ANK2: variants seen among roughly 807,000 people sequenced by gnomAD.
The protein encoded by ANK2 is ankyrin 2.
Under a neutral mutation model 360.5 loss-of-function variants are expected in ANK2, and 83 were observed. The ratio of observed to expected loss-of-function variants is 0.23; its 90% CI spans 0.19 to 0.28. ANK2 has a LOEUF of 0.28. Ranked by LOEUF, ANK2 falls within the 10% of genes least tolerant of loss-of-function variation. The pLI is 1.00. For missense variants in ANK2, 4,201 were observed against 4,795.7 expected, an observed-to-expected ratio of 0.88 and a Z score of 3.66; for synonymous variants, 1,740 against 1,759.5, an observed-to-expected ratio of 0.99 and a Z score of 0.28.
chr4:112,893,765 C>T (rs112074548), intron 1 of ANK2, among the ~76,000 whole-genome samples: 4,189 of 152,182 alleles, frequency 0.028, 187 homozygotes, highest in African/African-American at 0.092. Context: ...GGAGCTGAGG[C>T]GGGCAGATCA....
At chr4:113,164,025 C>T (rs2097662230) in intron 1 of ANK2, among the ~76,000 whole-genome samples, 1 of 152,270 alleles carries the variant, frequency 6.6e-6, no homozygotes, top group Admixed American at 6.5e-5. Flanking sequence ...CAGGCAATCA[C>T]TTACCAGTTT....
At chr4:113,207,096 A>C (rs995190338) in intron 4 of ANK2, among the ~76,000 whole-genome samples, 3 of 149,894 alleles carry the variant, frequency 2.0e-5, no homozygotes, top group Non-Finnish European at 4.4e-5. Flanking sequence ...TTACTACTCT[A>C]CAAAGCGTGC....
chr4:112,870,696 G>A (rs1163523105), intron 1 of ANK2, among the ~76,000 whole-genome samples: 4 of 152,196 alleles, frequency 2.6e-5, no homozygotes, highest in Non-Finnish European at 4.4e-5. Context: ...CTGTCCTGTA[G>A]TAAGTTTGAA....
intron 2 of ANK2, among the ~76,000 whole-genome samples, chr4:112,992,788 G>A (rs2154279602): frequency 6.6e-6 from 1 of 152,246 alleles, no homozygotes; most frequent in Middle Eastern, 3.4e-3. Context: ...ATCACATTGT[G>A]CATTAGGGGT....
At chr4:113,338,632 C>T (rs2093871840) in intron 31 of ANK2, among the ~76,000 whole-genome samples, 1 of 143,432 alleles carries the variant, frequency 7.0e-6, no homozygotes, top group Admixed American at 7.2e-5. Context: ...TCACTGCAAG[C>T]TCCACCTCCT....
chr4:113,257,929 G>A (rs1486679434), intron 11 of ANK2, 121 bp from the exon 12 acceptor site: 1 of 989,014 alleles, frequency 1.0e-6, no homozygotes, highest in African/African-American at 1.6e-5. Context: ...ACACCTGCAG[G>A]GATTGAAGAA....
intron 2 of ANK2, among the ~76,000 whole-genome samples, chr4:113,190,836 G>A (rs2098649219): frequency 6.6e-6 from 1 of 152,082 alleles, no homozygotes. Context: ...TAAATGATTT[G>A]CCACTCACTT....
At chr4:113,346,397 C>T (rs2094857043) in intron 35 of ANK2, among the ~76,000 whole-genome samples, 1 of 152,130 alleles carries the variant, frequency 6.6e-6, no homozygotes, top group South Asian at 2.1e-4. Flanking sequence ...TTCCTGCGAC[C>T]ATACTCGTGC....
intron 13 of ANK2, among the ~76,000 whole-genome samples, chr4:113,263,584 A>C (rs2153654174): frequency 6.6e-6 from 1 of 152,360 alleles, no homozygotes. Flanking sequence ...CTATGTGCCA[A>C]ATTAAAGTTC....
Position 113,357,281 on chromosome 4 carries a change from A to G in ANK2, c.8663A>G (p.Lys2888Arg). 1 of 1,614,106 alleles carries G rather than the reference A, an allele frequency of 6.2e-7. No homozygotes were observed. Among genetic ancestry groups the G allele is most frequent in the Non-Finnish European group, 8.5e-7 (1 of 1,180,010 alleles). Reference sequence around the variant, plus strand: ...GATGAAACATTTGAGAACTTACCAAAGGACTGCCCCTCTCAAGACTCATCC... The same window carrying G: ...GATGAAACATTTGAGAACTTACCAAGGGACTGCCCCTCTCAAGACTCATCC... ...KTDETFENLP[K>R]DCPSQDSSIT... The change falls in exon 38 of 46, where the codon AAG becomes AGG. Residue 2888 changes from lysine (K) to arginine (R), a missense_variant. Lys to Arg is a conservative substitution (Grantham distance 26). Transcript: ENST00000357077.
rs1042029088 is a variant in ANK2 at position 113,230,498 on chromosome 4, G to T, written c.385-1663G>T. Among the ~76,000 whole-genome samples the T allele has an allele frequency of 4.0e-5, 6 of 151,674 alleles. No individual in the cohort carries two copies. The East Asian group carries it at 1.2e-3, about 30-fold the overall frequency. ...CCACTGCACTCCAGCCTGGGTGACA[G>T]AGCGAGACTCCATCTCAAAAAAAAA... On this transcript the variant is annotated intron_variant, in intron 4 of 45. Coordinates refer to ENST00000357077, the MANE Select transcript of ANK2 (RefSeq NM_001148.6).
chr4:113,277,741 A>T, intron 15 of ANK2, 96 bp from the exon 16 acceptor site: 4 of 925,544 alleles, frequency 4.3e-6, no homozygotes, highest in Non-Finnish European at 7.0e-6. Flanking sequence ...CAAATGAAGA[A>T]TCAGTATACT....
At chr4:112,804,201 T>C in the ANK2 span, among the ~76,000 whole-genome samples, 3 of 152,252 alleles carry the variant, frequency 2.0e-5, no homozygotes, top group Admixed American at 2.0e-4. Context: ...TTTGTATTTT[T>C]AGTAGAGACG....
chr4:112,779,582 T>C, the ANK2 span, among the ~76,000 whole-genome samples: 1 of 152,196 alleles, frequency 6.6e-6, no homozygotes, highest in Non-Finnish European at 1.5e-5. Flanking sequence ...ATTTCTCATT[T>C]TCTTCTTATT....
In ANK2 at chr4:113,354,552, T is replaced by C. The variant is rs2095623906; in HGVS notation, c.5934T>C (p.Thr1978=). The change falls in exon 38 of 46, where the codon ACT becomes ACC. Residue 1978 remains threonine, a synonymous_variant. Transcript: ENST00000357077. ...AAAAGCAACCACCTGTATCCCCCACTTCAAAAACAGAGAGGATTGAGGAAA... is the reference window on the plus strand; with the variant it reads ...AAAAGCAACCACCTGTATCCCCCACCTCAAAAACAGAGAGGATTGAGGAAA... The part of the protein sequence containing the change: ...KTEKQPPVSP[T]SKTERIEETM... 6.2e-7 allele frequency: 1 copy of C among 1,613,974 alleles called. No homozygotes were observed. The highest frequency in any genetic ancestry group is 1.3e-5 in the African/African-American group (1 of 74,902).
Position 112,826,727 on chromosome 4 carries a change from T to C in ANK2, c.-40+8463T>C. 8.4e-6 allele frequency: 7 copies of C among 833,418 alleles called. No individual in the cohort carries two copies. The South Asian group carries it at 1.1e-4, about 14-fold the overall frequency. 51.6% of individuals were successfully genotyped at this position (833,418 alleles called of 1,614,324 possible). ...CAATGCCAGTGAACACCATAATACC[T>C]ACCAGTCAGTTTCTTCCATCTTCTG... On this transcript the variant is annotated intron_variant, in intron 1 of 30. Coordinates refer to the ANK2 transcript ENST00000503271.
chr4:113,323,147 A>T (rs1447301707), intron 26 of ANK2, among the ~76,000 whole-genome samples: 1 of 152,166 alleles, frequency 6.6e-6, no homozygotes, highest in African/African-American at 2.4e-5. Flanking sequence ...ATTAGACATT[A>T]TGACCACTGA....
At chr4:112,984,081 C>G (rs1029167834) in intron 2 of ANK2, among the ~76,000 whole-genome samples, 1 of 152,160 alleles carries the variant, frequency 6.6e-6, no homozygotes, top group African/African-American at 2.4e-5. Context: ...AGAGGCTCAG[C>G]CAGTGTGGAA....
chr4:113,234,445 G>A (rs1474770014), intron 5 of ANK2, among the ~76,000 whole-genome samples: 1 of 152,070 alleles, frequency 6.6e-6, no homozygotes, highest in Non-Finnish European at 1.5e-5. Context: ...GAATATATAA[G>A]CTTAATTGAT....
Sources: allele counts gnomAD v4.1 joint callset (sites outside exome capture counted in the v4.1 genomes callset), GRCh38; gene constraint gnomAD v4.1.1; transcripts MANE v1.5; gene names NCBI Gene and HGNC (gene_info 2026-07-23, HGNC 2026-07-21).